FBF1: variants seen among roughly 807,000 people sequenced by gnomAD.
The protein encoded by FBF1 is fas-binding factor 1.
Under a neutral mutation model 147.2 loss-of-function variants are expected in FBF1, and 119 were observed. The ratio of observed to expected loss-of-function variants is 0.81; its 90% CI spans 0.70 to 0.94. The LOEUF is 0.94. FBF1 is among the 40% of genes least tolerant of loss of function. The pLI is 0.00. For synonymous variants in FBF1, 601 were observed against 609.0 expected (o/e 0.99, Z 0.19); for missense variants, 1,449 against 1,500.8 (o/e 0.97, Z 0.57).
chr17:75,923,764 C>T lies in FBF1; in HGVS notation c.969-123G>A. On this transcript the variant is annotated intron_variant, in intron 13 of 29. Coordinates refer to ENST00000636174, the MANE Select transcript of FBF1 (RefSeq NM_001319193.2). The surrounding 1 kb of genome is among the most constrained non-coding windows in gnomAD (Gnocchi z 4.1). ...GCACAGTCAGCTGAGGCCCAGTGAG[C>T]AGTGGCTCCTGGACCGGCTCAGGTG... 1.0e-6 allele frequency: 1 copy of T among 994,828 alleles called. No homozygotes were observed. Among genetic ancestry groups the T allele is most frequent in the Non-Finnish European group, 1.4e-6 (1 of 693,708 alleles). The allele number at this position is 994,828 out of a possible 1,614,324, so 61.6% of individuals were successfully genotyped here. A position where few individuals can be genotyped will look rare whatever the true frequency, so the allele number is the denominator to read the frequency against.
In FBF1 at chr17:75,923,716, G is replaced by C; in HGVS notation, c.969-75C>G. 7.2e-7 allele frequency: 1 copy of C among 1,384,388 alleles called. No individual in the cohort carries two copies. Among genetic ancestry groups the C allele is most frequent in the Non-Finnish European group, 9.7e-7 (1 of 1,029,166 alleles). The allele number at this position is 1,384,388 out of a possible 1,614,324, so 85.8% of individuals were successfully genotyped here. A position where few individuals can be genotyped will look rare whatever the true frequency, so the allele number is the denominator to read the frequency against. On this transcript the variant is annotated intron_variant, in intron 13 of 29. Coordinates refer to ENST00000636174, the MANE Select transcript of FBF1 (RefSeq NM_001319193.2). This position sits in a 1 kb window ranked among gnomAD's most constrained non-coding sequence, Gnocchi z 4.1. ...TGGCCCCCTAGCAGCCTGCAGCTGGGCGTCACGATGCCCAGGGACCCTGCA... is the reference window on the plus strand; with the variant it reads ...TGGCCCCCTAGCAGCCTGCAGCTGGCCGTCACGATGCCCAGGGACCCTGCA...
At position 75,926,123 on chromosome 17, in the gene FBF1, G is replaced by T. The variant is rs1363464781; in HGVS notation, c.775C>A (p.Leu259Met). The T allele has an allele frequency of 6.2e-7, 1 of 1,611,056 alleles. No homozygotes were observed. The highest frequency in any genetic ancestry group is 1.7e-4 in the Middle Eastern group (1 of 6,056). The change falls in exon 12 of 30, where the codon CTG becomes ATG. Residue 259 changes from leucine (L) to methionine (M), a missense_variant. By Grantham distance (15) the Leu-to-Met change is conservative. Coordinates refer to ENST00000636174, the MANE Select transcript of FBF1 (RefSeq NM_001319193.2). ...RPARSTLDELLGRGMATKLLA... is the reference protein window; with the variant it reads ...RPARSTLDELMGRGMATKLLA... ...AGTTTGGTGGCCATGCCTCGACCCA[G>T]CAGCTCATCCAGCGTGGAGCGAGCA...
At chr17:75,936,483 C>T (rs187155362) in intron 3 of FBF1, among the ~76,000 whole-genome samples, 448 of 152,020 alleles carry the variant, frequency 2.9e-3, no homozygotes, top group Middle Eastern at 0.014. Context: ...CAGAGCAAGA[C>T]GCCGTCTCAA....
chr17:75,921,027 T>C (rs2065522651), intron 17 of FBF1, among the ~76,000 whole-genome samples: 1 of 152,144 alleles, frequency 6.6e-6, no homozygotes, highest in Non-Finnish European at 1.5e-5. Flanking sequence ...TCCCCACTGA[T>C]GTAGGCAAAT....
In FBF1 at chr17:75,914,009, G is replaced by C; in HGVS notation, c.3033C>G (p.Arg1011=). Residue 1011 remains arginine, a synonymous_variant, in exon 27 of 30, where the codon CGC becomes CGG. Transcript: ENST00000636174. The part of the protein sequence containing the change: ...EKYEEGERAL[R]EAQQVQAEQQ... Reference sequence around the variant, plus strand: ...GCTCTGCCTGCACCTGCTGGGCCTCGCGCAATGCCCGCTCCCCCTCCTCGT... The same window carrying C: ...GCTCTGCCTGCACCTGCTGGGCCTCCCGCAATGCCCGCTCCCCCTCCTCGT... 6.3e-7 allele frequency: 1 copy of C among 1,580,958 alleles called. No homozygotes were observed. The highest frequency in any genetic ancestry group is 8.5e-7 in the Non-Finnish European group (1 of 1,170,950).
At chr17:75,935,783 C>T (rs974724452) in intron 3 of FBF1, 110 bp from the exon 4 acceptor site, 7 of 1,004,916 alleles carry the variant, frequency 7.0e-6, no homozygotes, top group East Asian at 5.6e-5. Context: ...GATGTTGGGA[C>T]TTAGGCTTAG....
rs1425051006 is a variant in FBF1 at position 75,923,381 on chromosome 17, G to T, written c.1229C>A (p.Pro410Gln). 6.2e-7 allele frequency: 1 copy of T among 1,606,928 alleles called. No homozygotes were observed. Among genetic ancestry groups the T allele is most frequent in the East Asian group, 2.2e-5 (1 of 44,702 alleles). Reference protein sequence around the residue: ...PAGLPPSRAKPPTEGAGSPAK... With the variant: ...PAGLPPSRAKQPTEGAGSPAK... The stretch of plus-strand genomic sequence containing the variant: ...AGGGGACCCTGCACCTTCAGTTGGT[G>T]GCTTTGCCCTGGAGGGGGGCAGCCC... Residue 410 changes from proline (P) to glutamine (Q), a missense_variant, in exon 14 of 30, where the codon CCA becomes CAA. Pro to Gln is a moderately conservative substitution (Grantham distance 76, BLOSUM62 -1). Coordinates refer to ENST00000636174, the MANE Select transcript of FBF1 (RefSeq NM_001319193.2). This position sits in a 1 kb window ranked among gnomAD's most constrained non-coding sequence, Gnocchi z 4.1.
intron 23 of FBF1, among the ~76,000 whole-genome samples, chr17:75,917,283 T>C (rs1325514115): frequency 1.3e-5 from 2 of 152,238 alleles, no homozygotes; most frequent in African/African-American, 4.8e-5. Context: ...ATTATTTAAA[T>C]AAAGCATGTG....
intron 5 of FBF1, among the ~76,000 whole-genome samples, 156 bp downstream of exon 5, chr17:75,932,839 T>C (rs973831089): frequency 2.8e-5 from 4 of 143,830 alleles, no homozygotes; most frequent in African/African-American, 1.1e-4. Context: ...TGAGCCGAGA[T>C]GGTGCCACTG....
intron 3 of FBF1, 103 bp downstream of exon 3, chr17:75,937,463 C>T: frequency 1.4e-6 from 2 of 1,392,156 alleles, no homozygotes; most frequent in East Asian, 2.4e-5. Context: ...AGCCACCGTG[C>T]CCGGCCCAAA....
chr17:75,929,322 T>C (rs1240589789), intron 7 of FBF1, among the ~76,000 whole-genome samples: 1 of 151,828 alleles, frequency 6.6e-6, no homozygotes, highest in African/African-American at 2.4e-5. Context: ...TAGAATGCGA[T>C]GGTGTCTCTA....
At position 75,912,299 on chromosome 17, in the gene FBF1, G is replaced by T; in HGVS notation, c.3256C>A (p.Pro1086Thr). The change falls in exon 29 of 30, where the codon CCT (proline) becomes ACT (threonine). Residue 1086 changes from proline (P) to threonine (T), a missense_variant. Physicochemically the swap from Pro to Thr is conservative, Grantham distance 38. Transcript: ENST00000636174. ...CACCAACGGGTGGTGGGAGCAGGAG[G>T]CATGAGGGCTGAAAAGGCCAAGGAG... The part of the protein sequence containing the change: ...PAASSQSALM[P>T]PAPTTRWCSQ... 1 of 1,594,582 alleles carries T rather than the reference G, an allele frequency of 6.3e-7. No homozygotes were observed. Among genetic ancestry groups the T allele is most frequent in the Non-Finnish European group, 8.5e-7 (1 of 1,171,014 alleles).
At chr17:75,920,842 G>C (rs1382030644) in intron 17 of FBF1, among the ~76,000 whole-genome samples, 1 of 146,042 alleles carries the variant, frequency 6.8e-6, no homozygotes, top group Non-Finnish European at 1.5e-5. Context: ...GGGGGGGGGG[G>C]GGCACACCTC....
rs1468511371 is a variant in FBF1, at chr17:75,912,226, G to A, written c.3329C>T (p.Ala1110Val). 3 of 1,610,814 alleles carry A rather than the reference G, an allele frequency of 1.9e-6. No individual in the cohort carries two copies. Among genetic ancestry groups the A allele is most frequent in the Non-Finnish European group, 2.5e-6 (3 of 1,179,150 alleles). Residue 1110 changes from alanine to valine, a missense_variant, in exon 29 of 30, where the codon GCC becomes GTC. Transcript: ENST00000636174. ...GLDPSPLHLHARLALLRHMAE... is the reference protein window; with the variant it reads ...GLDPSPLHLHVRLALLRHMAE... ...CATGTGCCTCAGCAGTGCCAGCCTG[G>A]CATGGAGGTGCAAGGGGCTGGGGTC...
At chr17:75,937,490 C>T in intron 3 of FBF1, 76 bp downstream of exon 3, 1 of 1,554,646 alleles carries the variant, frequency 6.4e-7, no homozygotes. Flanking sequence ...TAAATAAACA[C>T]ATCTCATTGT....
Position 75,925,737 on chromosome 17 carries a change from C to T in FBF1, c.869-291G>A, listed in dbSNP as rs1346362650. ...GATGCTTTGAGAAACATGTCCAGAG[C>T]AGTGCTTTTCAAATGCGAGCTGCTA... is the stretch of plus-strand genomic sequence containing the variant. On this transcript the variant is annotated intron_variant, in intron 12 of 29. Coordinates refer to ENST00000636174, the MANE Select transcript of FBF1 (RefSeq NM_001319193.2). This position sits in a 1 kb window ranked among gnomAD's most constrained non-coding sequence, Gnocchi z 5.0. Among the ~76,000 whole-genome samples, 1 of 152,176 alleles carries T rather than the reference C, an allele frequency of 6.6e-6. No homozygotes were observed. The highest frequency in any genetic ancestry group is 1.5e-5 in the Non-Finnish European group (1 of 68,032).
chr17:75,929,625 G>C (rs189096595), intron 7 of FBF1, among the ~76,000 whole-genome samples: 54 of 152,290 alleles, frequency 3.5e-4, no homozygotes, highest in African/African-American at 1.2e-3. Context: ...GTATTGAAGG[G>C]GGCTTGGCAG....
Position 75,923,004 on chromosome 17 carries a change from G to A in FBF1, c.1424+182C>T, listed in dbSNP as rs955208738. Among the ~76,000 whole-genome samples, 28 of 152,248 alleles carry A rather than the reference G, an allele frequency of 1.8e-4. No individual in the cohort carries two copies. The highest frequency in any genetic ancestry group is 6.8e-4 in the African/African-American group (28 of 41,462). On this transcript the variant is annotated intron_variant, in intron 14 of 29. Transcript: ENST00000636174. The surrounding 1 kb of genome is among the most constrained non-coding windows in gnomAD (Gnocchi z 4.1). Reference sequence around the variant, plus strand: ...GTCCCTGGGGCAAGCCTGGGAGCCAGAGGCTCTCTCTGCAGTGCCTAAAAG... The same window carrying A: ...GTCCCTGGGGCAAGCCTGGGAGCCAAAGGCTCTCTCTGCAGTGCCTAAAAG...
Position 75,915,538 on chromosome 17 carries a change from A to C in FBF1, c.2506-399T>G, listed in dbSNP as rs985425875. ...CCAGCCACACACAGCACAAGGCGAG[A>C]GCTTCACTGTGCCTGACCCCAGGCA... On this transcript the variant is annotated intron_variant, in intron 23 of 29. Transcript: ENST00000636174. Among the ~76,000 whole-genome samples the C allele has an allele frequency of 7.2e-5, 11 of 152,232 alleles. 1 individual carries two copies. The highest frequency in any genetic ancestry group is 5.9e-4 in the Admixed American group (9 of 15,282).
Sources: allele counts gnomAD v4.1 joint callset (sites outside exome capture counted in the v4.1 genomes callset), GRCh38; gene constraint gnomAD v4.1.1; non-coding constraint Gnocchi (gnomAD v3.1); transcripts MANE v1.5; gene names NCBI Gene and HGNC (gene_info 2026-07-23, HGNC 2026-07-21).